The following TMEM233 variants were observed in gnomAD, a reference collection of about 807,000 sequenced individuals.
TMEM233 encodes transmembrane protein 233.
Under a neutral mutation model 11.2 loss-of-function variants are expected in TMEM233, and 6 were observed. The ratio of observed to expected loss-of-function variants is 0.54; its 90% CI spans 0.29 to 1.06. The LOEUF is 1.06. Among genes scored for constraint, TMEM233 ranks in the 50% least tolerant of loss-of-function variants. TMEM233 has a pLI of 0.08. For missense variants in TMEM233, 127 were observed against 144.7 expected (o/e 0.88, Z 0.63); for synonymous variants, 59 against 55.8 (o/e 1.06, Z -0.26).
Position 119,594,163 on chromosome 12 carries a change from C to T in TMEM233, c.186+129C>T. The T allele has an allele frequency of 1.2e-6, 1 of 854,736 alleles. No individual in the cohort carries two copies. The allele number at this position is 854,736 out of a possible 1,614,324, so 52.9% of individuals were successfully genotyped here. On this transcript the variant is annotated intron_variant, in intron 1 of 2. Coordinates refer to ENST00000426426, the MANE Select transcript of TMEM233 (RefSeq NM_001136534.3). This position sits in a 1 kb window ranked among gnomAD's most constrained non-coding sequence, Gnocchi z 5.6. ...CCGGCCCGCGCTAGGTGTTCTTTGT[C>T]CTCGCACCTCCTCCTCACCTTTCTC...
chr12:119,622,334 A>G (rs1954660311), intron 1 of TMEM233, among the ~76,000 whole-genome samples: 1 of 152,190 alleles, frequency 6.6e-6, no homozygotes, highest in East Asian at 1.9e-4. Flanking sequence ...GTGCTTCTAT[A>G]GCATCCAAAT....
In TMEM233 at chr12:119,600,730, A is replaced by T. The variant is rs1311893042; in HGVS notation, c.186+6696A>T. ...ATGATTCCACTTATATGAAATACCT[A>T]GAGTGGTCTAATTCTTGAGACAGAA... On this transcript the variant is annotated intron_variant, in intron 1 of 2. Transcript: ENST00000426426. Among the ~76,000 whole-genome samples the T allele has an allele frequency of 2.0e-5, 3 of 152,208 alleles. No individual in the cohort carries two copies. In the East Asian group the frequency reaches 5.8e-4, roughly 29 times the overall value.
At chr12:119,629,231 A>G (rs975969918) in intron 1 of TMEM233, among the ~76,000 whole-genome samples, 11 of 152,078 alleles carry the variant, frequency 7.2e-5, no homozygotes, top group Non-Finnish European at 1.5e-4. Context: ...CCAATGTGGT[A>G]AAACCCTGTC....
At chr12:119,597,921 G>A (rs1235943813) in intron 1 of TMEM233, among the ~76,000 whole-genome samples, 1 of 152,108 alleles carries the variant, frequency 6.6e-6, no homozygotes, top group Non-Finnish European at 1.5e-5. Flanking sequence ...TTTGAATATG[G>A]CACATTTTCT....
In TMEM233 at chr12:119,641,914, A is replaced by G. The variant is rs1405771985; in HGVS notation, c.*1209A>G. The G allele has an allele frequency of 6.6e-6, 1 of 152,200 alleles. No individual in the cohort carries two copies. The highest frequency in any genetic ancestry group is 1.5e-5 in the Non-Finnish European group (1 of 68,028). 9.4% of individuals were successfully genotyped at this position (152,200 alleles called of 1,614,324 possible). A position where few individuals can be genotyped will look rare whatever the true frequency, so the allele number is the denominator to read the frequency against. ...TTTTAGCAAAGAAAGAGCAGGCCTC[A>G]GAGTCTTCTGTCTAGATAGAATTTA... On this transcript the variant is annotated 3_prime_UTR_variant, in exon 3 of 3. Transcript: ENST00000426426.
intron 2 of TMEM233, among the ~76,000 whole-genome samples, chr12:119,636,708 G>A (rs1210655301): frequency 6.6e-6 from 1 of 152,168 alleles, no homozygotes; most frequent in African/African-American, 2.4e-5. Flanking sequence ...AGAAAGAGTT[G>A]ACCAGGACAA....
At chr12:119,633,827 A>C (rs946567768) in intron 2 of TMEM233, among the ~76,000 whole-genome samples, 1 of 152,200 alleles carries the variant, frequency 6.6e-6, no homozygotes, top group African/African-American at 2.4e-5. Flanking sequence ...GAAACTTTTA[A>C]GGCAAAAGTA....
At chr12:119,603,194 C>T (rs1163607974) in intron 1 of TMEM233, among the ~76,000 whole-genome samples, 1 of 152,106 alleles carries the variant, frequency 6.6e-6, no homozygotes, top group Non-Finnish European at 1.5e-5. Flanking sequence ...TCACTTGAGC[C>T]CAGGAGGCAG....
chr12:119,615,054 C>A (rs981133914), intron 1 of TMEM233, among the ~76,000 whole-genome samples: 4 of 151,188 alleles, frequency 2.6e-5, no homozygotes, highest in Non-Finnish European at 5.9e-5. Context: ...TAAAAAAGTT[C>A]TTTCCCCCCT....
At chr12:119,629,913 T>C (rs1436164865) in intron 2 of TMEM233, 41 bp downstream of exon 2, 3 of 1,535,722 alleles carry the variant, frequency 2.0e-6, no homozygotes, top group Non-Finnish European at 2.6e-6. Context: ...TCAAACGCCC[T>C]TTCTCGAACG....
At chr12:119,615,587 C>T (rs563408752) in intron 1 of TMEM233, among the ~76,000 whole-genome samples, 99 of 152,260 alleles carry the variant, frequency 6.5e-4, no homozygotes, top group African/African-American at 2.4e-3. Flanking sequence ...ACCATGAATA[C>T]AGGGAGATAT....
chr12:119,630,568 C>T (rs1954857717), intron 2 of TMEM233, among the ~76,000 whole-genome samples: 1 of 152,338 alleles, frequency 6.6e-6, no homozygotes, highest in Non-Finnish European at 1.5e-5. Flanking sequence ...TCCAATAAAA[C>T]TTTATTTACA....
downstream of TMEM233, chr12:119,643,124 T>C (rs1955108931): frequency 6.6e-6 from 1 of 152,180 alleles, no homozygotes; most frequent in Non-Finnish European, 1.5e-5. Flanking sequence ...CTTCCAGAGA[T>C]TTCCGTAACC....
downstream of TMEM233, among the ~76,000 whole-genome samples, chr12:119,644,478 CTTTTTT>C (rs58075242): frequency 7.9e-6 from 1 of 127,006 alleles, no homozygotes; most frequent in Admixed American, 8.4e-5. Flanking sequence ...TTTTTCTTTT[CTTTTTT>C]TTTTTTTTTT....
intron 2 of TMEM233, among the ~76,000 whole-genome samples, chr12:119,637,857 A>G (rs1954999261): frequency 1.3e-5 from 2 of 152,224 alleles, no homozygotes; most frequent in South Asian, 4.1e-4. Context: ...TCAAGAAAGC[A>G]CAAATTAAAG....
chr12:119,635,514 C>A (rs936485135), intron 2 of TMEM233, among the ~76,000 whole-genome samples: 4 of 152,194 alleles, frequency 2.6e-5, no homozygotes, highest in Non-Finnish European at 4.4e-5. Context: ...ACACTCAACA[C>A]AACACACAGC....
chr12:119,637,078 C>T (rs112452085), intron 2 of TMEM233, among the ~76,000 whole-genome samples: 2,510 of 152,262 alleles, frequency 0.016, 62 homozygotes, highest in African/African-American at 0.056. Flanking sequence ...TGTGACATCC[C>T]CATCCGTGCT....
At position 119,638,269 on chromosome 12, in the gene TMEM233, G is replaced by T. The variant is rs541057217; in HGVS notation, c.324-2430G>T. Among the ~76,000 whole-genome samples the T allele has an allele frequency of 2.0e-4, 31 of 152,182 alleles. 2 individuals are homozygous for T. The South Asian group carries it at 6.4e-3, about 32-fold the overall frequency. On this transcript the variant is annotated intron_variant, in intron 2 of 2. Transcript: ENST00000426426. The stretch of plus-strand genomic sequence containing the variant: ...GAGCTCAGGAGCTGGAGGCCAGCCT[G>T]GGAAACATAGCAAGATCTCATCTCT...
At chr12:119,634,725 T>C (rs1001030113) in intron 2 of TMEM233, among the ~76,000 whole-genome samples, 1 of 152,222 alleles carries the variant, frequency 6.6e-6, no homozygotes, top group Non-Finnish European at 1.5e-5. Context: ...AAGAAAGCTG[T>C]AACCAATGTG....
Sources: gnomAD v4.1 joint callset for allele counts (sites outside exome capture counted in the v4.1 genomes callset) on GRCh38, gnomAD v4.1.1 for gene constraint, Gnocchi (gnomAD v3.1) non-coding constraint, MANE v1.5 for transcripts, NCBI Gene and HGNC (gene_info 2026-07-23, HGNC 2026-07-21) for gene names.